Variants in PLEKHH2 observed in about 807,000 individuals in gnomAD.
PLEKHH2 encodes the protein pleckstrin homology, MyTH4 and FERM domain containing H2.
PLEKHH2 carries 129 observed loss-of-function variants against 187.9 expected under a neutral mutation model. The observed-to-expected ratio is 0.69, with a 90% CI of 0.59 to 0.79. The LOEUF is 0.79. Ranked by LOEUF, PLEKHH2 falls within the 30% of genes least tolerant of loss-of-function variation. The probability of loss-of-function intolerance (pLI) is 0.00; values close to 1 mark genes in which losing one functional copy is unlikely to be tolerated. For synonymous variants in PLEKHH2, 686 were observed against 605.6 expected, an observed-to-expected ratio of 1.13 and a Z score of -1.95; for missense variants, 2,076 against 1,751.2, an observed-to-expected ratio of 1.19 and a Z score of -3.31.
At chr2:43,739,873 C>A (rs960086423) in intron 20 of PLEKHH2, among the ~76,000 whole-genome samples, 1 of 152,240 alleles carries the variant, frequency 6.6e-6, no homozygotes, top group Non-Finnish European at 1.5e-5. Context: ...GCCTAAGCAA[C>A]ATATTCCCTG....
chr2:43,646,208 A>G (rs548509678), intron 2 of PLEKHH2, among the ~76,000 whole-genome samples: 12 of 152,302 alleles, frequency 7.9e-5, no homozygotes, highest in African/African-American at 2.9e-4. Flanking sequence ...CAGTTTGAGT[A>G]TCTCCAAGTT....
At chr2:43,747,589 C>T (rs1671834486) in intron 24 of PLEKHH2, among the ~76,000 whole-genome samples, 1 of 152,172 alleles carries the variant, frequency 6.6e-6, no homozygotes, top group African/African-American at 2.4e-5. Flanking sequence ...AACCAGATTT[C>T]CTTTCTTTCT....
intron 26 of PLEKHH2, among the ~76,000 whole-genome samples, chr2:43,758,499 C>T (rs775705339): frequency 2.6e-5 from 4 of 152,148 alleles, no homozygotes; most frequent in African/African-American, 9.7e-5. Context: ...GTGATCCTCC[C>T]GCCTCGGCCT....
At chr2:43,757,372 G>A (rs1295171603) in intron 26 of PLEKHH2, 108 bp downstream of exon 26, 2 of 883,830 alleles carry the variant, frequency 2.3e-6, no homozygotes, top group Non-Finnish European at 3.1e-6. Context: ...GCTTTCTCAA[G>A]ATTTTTTTAA....
Position 43,767,356 on chromosome 2 carries a change from C to G in PLEKHH2, c.*1758C>G, listed in dbSNP as rs1270250955. ...ATTAGCATCCTTAGAAGGGACAGAACTAAGAAATACATTGCTCAAATAATA... is the reference window on the plus strand; with the variant it reads ...ATTAGCATCCTTAGAAGGGACAGAAGTAAGAAATACATTGCTCAAATAATA... On this transcript the variant is annotated 3_prime_UTR_variant, in exon 30 of 30. Coordinates refer to ENST00000282406, the MANE Select transcript of PLEKHH2 (RefSeq NM_172069.4). 2 of 152,226 alleles carry G rather than the reference C, an allele frequency of 1.3e-5. No homozygotes were observed. The highest frequency in any genetic ancestry group is 2.9e-5 in the Non-Finnish European group (2 of 67,998). The allele number at this position is 152,226 out of a possible 1,614,324, so 9.4% of individuals were successfully genotyped here. A position where few individuals can be genotyped will look rare whatever the true frequency, so the allele number is the denominator to read the frequency against.
At chr2:43,637,581 C>A (rs1316644581) in intron 1 of PLEKHH2, among the ~76,000 whole-genome samples, 4 of 152,218 alleles carry the variant, frequency 2.6e-5, no homozygotes, top group Admixed American at 6.5e-5. Flanking sequence ...CAGAGTCGGC[C>A]CCCAAGTCTG....
At chr2:43,691,285 G>A (rs1048034913) in intron 3 of PLEKHH2, among the ~76,000 whole-genome samples, 2 of 152,236 alleles carry the variant, frequency 1.3e-5, no homozygotes, top group Non-Finnish European at 2.9e-5. Flanking sequence ...TTTTAGCGGA[G>A]AGGGGATGTT....
At chr2:43,718,849 T>C (rs1293658747) in intron 15 of PLEKHH2, among the ~76,000 whole-genome samples, 1 of 152,250 alleles carries the variant, frequency 6.6e-6, no homozygotes, top group Admixed American at 6.5e-5. Flanking sequence ...AATTGAAACA[T>C]GTCTCAAATG....
chr2:43,651,145 T>TTTCATTCA (rs71410195), intron 2 of PLEKHH2, among the ~76,000 whole-genome samples: 19 of 151,576 alleles, frequency 1.3e-4, no homozygotes, highest in African/African-American at 4.6e-4. Context: ...GTTAAAATCT[T>TTTCATTCA]TTCATTCATT....
intron 9 of PLEKHH2, among the ~76,000 whole-genome samples, chr2:43,704,942 C>G (rs993503415): frequency 1.3e-5 from 2 of 152,124 alleles, no homozygotes; most frequent in African/African-American, 4.8e-5. Flanking sequence ...GAGACTAAAT[C>G]AGAGAAACTG....
chr2:43,657,035 CAAAACAAAAT>C (rs140889543), intron 2 of PLEKHH2, among the ~76,000 whole-genome samples: 56,482 of 151,770 alleles, frequency 0.37, 10,813 homozygotes, highest in Non-Finnish European at 0.41. Flanking sequence ...ACAAACAAAA[CAAAACAAAAT>C]AAAACAAAAA....
At chr2:43,643,976 T>C (rs1268346779) in intron 1 of PLEKHH2, among the ~76,000 whole-genome samples, 1 of 152,128 alleles carries the variant, frequency 6.6e-6, no homozygotes, top group Non-Finnish European at 1.5e-5. Flanking sequence ...CCAGATTTAC[T>C]TCATATGGCT....
chr2:43,759,395 T>A (rs1435917252), intron 27 of PLEKHH2, among the ~76,000 whole-genome samples: 1 of 152,248 alleles, frequency 6.6e-6, no homozygotes, highest in Admixed American at 6.5e-5. Flanking sequence ...GCTCTAGGGA[T>A]ACATAACCTA....
rs186351548 is a variant in PLEKHH2, at chr2:43,760,386, G to A, written c.4071+1357G>A. On this transcript the variant is annotated intron_variant, in intron 27 of 29. Coordinates refer to ENST00000282406, the MANE Select transcript of PLEKHH2 (RefSeq NM_172069.4). The stretch of plus-strand genomic sequence containing the variant: ...TTTTTTTTTTTTTTTTTTTTGAGAC[G>A]GAGTCTCACTCTGTCACCCAGACTG... Among the ~76,000 whole-genome samples, 1,042 of 119,934 alleles carry A rather than the reference G, an allele frequency of 8.7e-3. 16 individuals are homozygous for A. Among genetic ancestry groups the A allele is most frequent in the African/African-American group, 0.034 (993 of 29,114 alleles). 78.7% of individuals were successfully genotyped at this position (119,934 alleles called of 152,430 possible). A position where few individuals can be genotyped will look rare whatever the true frequency, so the allele number is the denominator to read the frequency against.
chr2:43,677,487 A>C (rs1667878209), intron 2 of PLEKHH2, among the ~76,000 whole-genome samples: 1 of 152,058 alleles, frequency 6.6e-6, no homozygotes, highest in Non-Finnish European at 1.5e-5. Flanking sequence ...TGGACACAGC[A>C]CATGTTTCAG....
At chr2:43,723,869 G>A (rs1274834317) in intron 16 of PLEKHH2, among the ~76,000 whole-genome samples, 4 of 152,134 alleles carry the variant, frequency 2.6e-5, no homozygotes, top group African/African-American at 7.2e-5. Context: ...AGACCGGAGG[G>A]AATAAGGAGG....
At chr2:43,764,386 C>G (rs755430741) in intron 29 of PLEKHH2, 21 bp downstream of exon 29, 1 of 1,608,748 alleles carries the variant, frequency 6.2e-7, no homozygotes, top group Non-Finnish European at 8.5e-7. Flanking sequence ...GCCTTTCTGC[C>G]AACTTTTTTG....
chr2:43,757,372 G>T (rs1295171603), intron 26 of PLEKHH2, 108 bp downstream of exon 26: 1 of 883,906 alleles, frequency 1.1e-6, no homozygotes, highest in Non-Finnish European at 1.6e-6. Context: ...GCTTTCTCAA[G>T]ATTTTTTTAA....
intron 8 of PLEKHH2, among the ~76,000 whole-genome samples, chr2:43,700,940 T>G (rs1381651705): frequency 6.6e-6 from 1 of 152,204 alleles, no homozygotes; most frequent in African/African-American, 2.4e-5. Context: ...CAAGTTTTAC[T>G]TTTTCTTTTC....
Sources: gnomAD v4.1 joint callset for allele counts (sites outside exome capture counted in the v4.1 genomes callset) on GRCh38, gnomAD v4.1.1 for gene constraint, MANE v1.5 for transcripts, NCBI Gene and HGNC (gene_info 2026-07-23, HGNC 2026-07-21) for gene names.